Variants in C16orf46 observed in about 807,000 individuals in gnomAD.
The protein encoded by C16orf46 is chromosome 16 open reading frame 46.
In C16orf46, 7 loss-of-function variants were observed where a neutral mutation model predicts 5.5. The ratio of observed to expected loss-of-function variants is 1.28; its 90% CI spans 0.73 to 2.40. The LOEUF (loss-of-function observed/expected upper bound fraction) is 2.40. Among genes scored for constraint, C16orf46 ranks in the 30% most tolerant of loss-of-function variants. The probability of loss-of-function intolerance (pLI) is 0.00; values close to 1 mark genes in which losing one functional copy is unlikely to be tolerated. For synonymous variants in C16orf46, 200 were observed against 184.1 expected (o/e 1.09, Z -0.70); for missense variants, 614 against 476.0 (o/e 1.29, Z -2.70).
chr16:81,061,511 AT>A lies in C16orf46; in HGVS notation c.837del (p.Ser280ProfsTer12). ...LAKHPMVNDT[P>X]SSPSPAAQIS... ...ATCTGGGCCGCTGGGGAAGGGGAGGATGGCGTGTCGTTGACCATAGGGTGTT... is the reference window on the plus strand; with the variant it reads ...ATCTGGGCCGCTGGGGAAGGGGAGGAGGCGTGTCGTTGACCATAGGGTGTT... On this transcript the variant is annotated frameshift_variant, in exon 4 of 4. Transcript: ENST00000299578. LOFTEE classifies it low-confidence loss of function (END_TRUNC). The A allele has an allele frequency of 6.2e-7, 1 of 1,614,070 alleles. No individual in the cohort carries two copies. Among genetic ancestry groups the A allele is most frequent in the Non-Finnish European group, 8.5e-7 (1 of 1,180,006 alleles).
intron 2 of C16orf46, among the ~76,000 whole-genome samples, chr16:81,064,923 T>C (rs552326312): frequency 6.6e-6 from 1 of 152,316 alleles, no homozygotes; most frequent in Admixed American, 6.5e-5. Flanking sequence ...ACATTTCTGT[T>C]GTTTAAGCCA....
chr16:81,067,907 C>A (rs1265801655), intron 1 of C16orf46, among the ~76,000 whole-genome samples: 2 of 152,120 alleles, frequency 1.3e-5, no homozygotes, highest in East Asian at 1.9e-4. Flanking sequence ...AAGAAAAAAA[C>A]ACACAGATCT....
chr16:81,076,532 C>T (rs895796260), intron 1 of C16orf46: 1 of 152,262 alleles, frequency 6.6e-6, no homozygotes, highest in African/African-American at 2.4e-5. Flanking sequence ...AAACTCTTCC[C>T]CTTTTTCAAC....
chr16:81,060,803 G>A (rs1451633026), downstream of C16orf46: 2 of 246,714 alleles, frequency 8.1e-6, no homozygotes, highest in African/African-American at 4.5e-5. Flanking sequence ...CGGCCAGCAT[G>A]GAGGGAAGGA....
In C16orf46 at chr16:81,061,527, C is replaced by T; in HGVS notation, c.822G>A (p.Met274Ile). ...KRASELAKHP[M>I]VNDTPSSPSP... ...AAGGGGAGGATGGCGTGTCGTTGAC[C>T]ATAGGGTGTTTGGCCAGCTCACTGG... Residue 274 changes from methionine to isoleucine, a missense_variant, in exon 4 of 4, where the codon ATG (methionine) becomes ATA (isoleucine). Transcript: ENST00000299578. The T allele has an allele frequency of 6.2e-7, 1 of 1,614,176 alleles. No individual in the cohort carries two copies. Among genetic ancestry groups the T allele is most frequent in the Non-Finnish European group, 8.5e-7 (1 of 1,180,036 alleles).
At chr16:81,053,941 G>T in exon 4 of C16orf46, 2 of 942,580 alleles carry the variant, frequency 2.1e-6, no homozygotes, top group Non-Finnish European at 1.7e-6. Context: ...TACTGCTTCT[G>T]CTTGCAGCGT....
chr16:81,062,156 T>A lies in C16orf46; in HGVS notation c.211-18A>T. ...CCTTGGACCTGCAAATAAAGCGGCA[T>A]GTTACTCCTCCAGCTGAGGGGCCCA... On this transcript the variant is annotated intron_variant, in intron 3 of 3. Coordinates refer to ENST00000299578, the MANE Select transcript of C16orf46 (RefSeq NM_152337.3). The A allele has an allele frequency of 6.5e-7, 1 of 1,538,020 alleles. No homozygotes were observed. The highest frequency in any genetic ancestry group is 8.7e-7 in the Non-Finnish European group (1 of 1,147,374).
At chr16:81,069,559 C>CG (rs150437152) in intron 1 of C16orf46, among the ~76,000 whole-genome samples, 5,217 of 152,210 alleles carry the variant, frequency 0.034, 238 homozygotes, top group African/African-American at 0.11. Context: ...TAAGGAGAAG[C>CG]GGGGCTAATA....
At chr16:81,076,251 C>T (rs185301737) in intron 1 of C16orf46, among the ~76,000 whole-genome samples, 4 of 152,328 alleles carry the variant, frequency 2.6e-5, no homozygotes, top group Admixed American at 2.6e-4. Context: ...ACAGTTTCTA[C>T]AGGAAAATGA....
chr16:81,067,103 A>T (rs1378474364), intron 1 of C16orf46, among the ~76,000 whole-genome samples: 1 of 152,206 alleles, frequency 6.6e-6, no homozygotes, highest in Non-Finnish European at 1.5e-5. Flanking sequence ...CAAAGAACTT[A>T]AGATATTTGG....
chr16:81,061,229 T>C lies in C16orf46; in HGVS notation c.1120A>G (p.Arg374Gly). 12 of 1,614,142 alleles carry C rather than the reference T, an allele frequency of 7.4e-6. No individual in the cohort carries two copies. Among genetic ancestry groups the C allele is most frequent in the Non-Finnish European group, 1.0e-5 (12 of 1,180,004 alleles). The change falls in exon 4 of 4, where the codon AGA becomes GGA. Residue 374 changes from arginine (R) to glycine (G), a missense_variant. Physicochemically the swap from Arg to Gly is moderately radical, Grantham distance 125 (BLOSUM62 -2). Coordinates refer to ENST00000299578, the MANE Select transcript of C16orf46 (RefSeq NM_152337.3). ...PQMLETKVFP[R>G]PVLPSLTVSR... is the part of the protein sequence containing the mutation. ...ACTGTGAGAGACGGCAAGACAGGTCTTGGGAAAACTTTGGTCTCCAGCATT... is the reference window on the plus strand; with the variant it reads ...ACTGTGAGAGACGGCAAGACAGGTCCTGGGAAAACTTTGGTCTCCAGCATT...
At position 81,061,468 on chromosome 16, in the gene C16orf46, G is replaced by T. The variant is rs372673508; in HGVS notation, c.881C>A (p.Pro294Gln). The change falls in exon 4 of 4, where the codon CCG becomes CAG. Residue 294 changes from proline to glutamine, a missense_variant. Coordinates refer to ENST00000299578, the MANE Select transcript of C16orf46 (RefSeq NM_152337.3). The part of the protein sequence containing the change: ...PAAQISLLTD[P>Q]EQRCLHWSLL... ...GGACCAATGCAGGCAGCGCTGCTCCGGATCGGTCAGCAGGGATATCTGGGC... is the reference window on the plus strand; with the variant it reads ...GGACCAATGCAGGCAGCGCTGCTCCTGATCGGTCAGCAGGGATATCTGGGC... 3.1e-6 allele frequency: 5 copies of T among 1,614,004 alleles called. No homozygotes were observed. The highest frequency in any genetic ancestry group is 4.2e-6 in the Non-Finnish European group (5 of 1,180,016).
At chr16:81,068,546 G>A (rs1597148356) in intron 1 of C16orf46, among the ~76,000 whole-genome samples, 1 of 148,934 alleles carries the variant, frequency 6.7e-6, no homozygotes, top group Non-Finnish European at 1.5e-5. Flanking sequence ...GTACAGAAAG[G>A]GCCTTTGTAT....
intron 1 of C16orf46, among the ~76,000 whole-genome samples, chr16:81,070,530 C>A (rs547519595): frequency 1.4e-3 from 217 of 152,252 alleles, no homozygotes; most frequent in Non-Finnish European, 2.5e-3. Context: ...CAAAGGCACA[C>A]AAATAATTAA....
At chr16:81,065,390 C>T (rs1189527015) in intron 2 of C16orf46, among the ~76,000 whole-genome samples, 1 of 147,550 alleles carries the variant, frequency 6.8e-6, no homozygotes, top group African/African-American at 2.5e-5. Context: ...AGGAGAATAG[C>T]TTGAACTTGG....
downstream of C16orf46, chr16:81,056,089 T>C (rs1038185564): frequency 6.6e-6 from 1 of 152,210 alleles, no homozygotes; most frequent in African/African-American, 2.4e-5. Flanking sequence ...GAAAAGCCAC[T>C]TTGATATATA....
At chr16:81,055,768 G>A (rs1971277071) in intron 3 of C16orf46, among the ~76,000 whole-genome samples, 1 of 152,156 alleles carries the variant, frequency 6.6e-6, no homozygotes, top group South Asian at 2.1e-4. Context: ...CACCCAAGCT[G>A]GAGTGCAGTG....
At chr16:81,075,271 C>G (rs1315349068) in intron 1 of C16orf46, among the ~76,000 whole-genome samples, 1 of 125,958 alleles carries the variant, frequency 7.9e-6, no homozygotes, top group Non-Finnish European at 1.7e-5. Flanking sequence ...TTTTTTTTAA[C>G]ACCTATTGCC....
chr16:81,063,205 T>G (rs1348313922), intron 3 of C16orf46, among the ~76,000 whole-genome samples: 1 of 141,128 alleles, frequency 7.1e-6, no homozygotes. Context: ...ATCGCGCCAC[T>G]GCACTCCAGC....
Sources: gnomAD v4.1 joint callset for allele counts (sites outside exome capture counted in the v4.1 genomes callset) on GRCh38, gnomAD v4.1.1 for gene constraint, MANE v1.5 for transcripts, NCBI Gene and HGNC (gene_info 2026-07-23, HGNC 2026-07-21) for gene names.